The following RAD51B variants were observed in gnomAD, a reference collection of about 807,000 sequenced individuals.
RAD51B encodes DNA repair protein RAD51 homolog 2.
A neutral mutation model predicts 42.2 loss-of-function variants in RAD51B; 38 were observed. That is an observed-to-expected ratio of 0.90 (90% CI 0.70 to 1.18). The LOEUF is 1.18. RAD51B is among the 50% of genes most tolerant of loss of function. The pLI is 0.00. For missense variants in RAD51B, 373 were observed against 400.7 expected (o/e 0.93, Z 0.59); for synonymous variants, 154 against 145.2 (o/e 1.06, Z -0.43).
At position 68,563,378 on chromosome 14, in the gene RAD51B, G is replaced by A. The variant is rs934360222; in HGVS notation, c.1037-31107G>A. On this transcript the variant is annotated intron_variant, in intron 10 of 10. Coordinates refer to the RAD51B transcript ENST00000487270. Reference sequence around the variant, plus strand: ...CCTTCCCAGTGATACTGCGAGCTGGGTTTTTCTTTCTTCCCGCCCCCCAAG... The same window carrying A: ...CCTTCCCAGTGATACTGCGAGCTGGATTTTTCTTTCTTCCCGCCCCCCAAG... 1.2e-5 allele frequency: 12 copies of A among 985,226 alleles called. No homozygotes were observed. In the African/African-American group the frequency reaches 1.9e-4, roughly 16 times the overall value. 61.0% of individuals were successfully genotyped at this position (985,226 alleles called of 1,614,324 possible).
intron 7 of RAD51B, among the ~76,000 whole-genome samples, chr14:68,119,475 C>G (rs1391818148): frequency 8.4e-6 from 1 of 118,428 alleles, no homozygotes; most frequent in Admixed American, 9.2e-5. Context: ...CCCCTCCCCC[C>G]ACCCCACAAC....
intron 10 of RAD51B, among the ~76,000 whole-genome samples, chr14:68,564,202 A>G (rs1428311958): frequency 6.6e-6 from 1 of 152,212 alleles, no homozygotes; most frequent in Non-Finnish European, 1.5e-5. Context: ...AGGGCCTACC[A>G]AGAATGGTTG....
chr14:68,625,424 T>C (rs1291289142), intron 10 of RAD51B, among the ~76,000 whole-genome samples: 4 of 152,152 alleles, frequency 2.6e-5, no homozygotes, highest in African/African-American at 9.7e-5. Flanking sequence ...GCTTTTCTCC[T>C]CCCTCTCTCC....
chr14:68,465,992 A>AAATTAATT (rs1555414348), intron 9 of RAD51B, among the ~76,000 whole-genome samples: 5 of 149,536 alleles, frequency 3.3e-5, no homozygotes, highest in African/African-American at 1.0e-4. Context: ...ATAAATAAAT[A>AAATTAATT]AATTCACATT....
In RAD51B at chr14:68,204,128, T is replaced by A. The variant is rs2079541692; in HGVS notation, c.757-87756T>A. ...ACTGTTTGGCACAAGAGGCCTAGCT[T>A]CCTGCCTGATTCAGCTTTTGACTTT... On this transcript the variant is annotated intron_variant, in intron 7 of 10. Coordinates refer to ENST00000471583, the MANE Select transcript of RAD51B (RefSeq NM_133510.4). Among the ~76,000 whole-genome samples, 5 of 152,376 alleles carry A rather than the reference T, an allele frequency of 3.3e-5. No homozygotes were observed. The South Asian group carries it at 1.0e-3, about 32-fold the overall frequency.
At chr14:68,312,078 G>A (rs1211974134) in intron 8 of RAD51B, among the ~76,000 whole-genome samples, 5 of 152,100 alleles carry the variant, frequency 3.3e-5, no homozygotes, top group African/African-American at 9.7e-5. Flanking sequence ...GCCCAAGTCC[G>A]TATAGGACAG....
At chr14:68,390,602 T>C (rs1049751025) in intron 8 of RAD51B, among the ~76,000 whole-genome samples, 3 of 152,190 alleles carry the variant, frequency 2.0e-5, no homozygotes, top group African/African-American at 7.2e-5. Flanking sequence ...TGAATGAAAC[T>C]GAAAGGTAGA....
At chr14:68,350,261 T>C (rs1372084063) in intron 8 of RAD51B, among the ~76,000 whole-genome samples, 1 of 152,256 alleles carries the variant, frequency 6.6e-6, no homozygotes, top group Non-Finnish European at 1.5e-5. Flanking sequence ...CTGCAGATTA[T>C]AGAATCTGTC....
At chr14:68,231,262 TTCTC>T (rs2080144014) in intron 7 of RAD51B, among the ~76,000 whole-genome samples, 1 of 152,210 alleles carries the variant, frequency 6.6e-6, no homozygotes, top group Admixed American at 6.5e-5. Flanking sequence ...CACCTTTTTC[TTCTC>T]TCTTTGCCTC....
intron 7 of RAD51B, among the ~76,000 whole-genome samples, chr14:68,072,615 T>C (rs1435980074): frequency 6.6e-6 from 1 of 152,170 alleles, no homozygotes; most frequent in Non-Finnish European, 1.5e-5. Flanking sequence ...ACATCCAGGA[T>C]CAATATTGCA....
At chr14:68,614,844 C>G (rs1280823007), downstream of RAD51B, among the ~76,000 whole-genome samples, 1 of 152,170 alleles carries the variant, frequency 6.6e-6, no homozygotes, top group Non-Finnish European at 1.5e-5. Context: ...TGTGTGTGGA[C>G]ATGGATTTTC....
chr14:68,126,145 T>TA (rs1354471542), intron 7 of RAD51B, among the ~76,000 whole-genome samples: 2 of 152,232 alleles, frequency 1.3e-5, no homozygotes, highest in Admixed American at 6.5e-5. Flanking sequence ...ATCTTTGTTT[T>TA]ATAGCTATAC....
intron 7 of RAD51B, among the ~76,000 whole-genome samples, chr14:68,056,598 A>AATT (rs1457590762): frequency 2.0e-5 from 3 of 151,798 alleles, no homozygotes; most frequent in African/African-American, 7.3e-5. Context: ...AAATACAAAA[A>AATT]ATTAGCCAGG....
intron 10 of RAD51B, chr14:68,563,044 C>G (rs948455498): frequency 1.0e-6 from 1 of 985,346 alleles, no homozygotes; most frequent in East Asian, 1.1e-4. Context: ...TCACCCTGGC[C>G]GCTTCTCTAG....
chr14:67,928,609 A>G (rs931153818), intron 7 of RAD51B, among the ~76,000 whole-genome samples: 5 of 152,046 alleles, frequency 3.3e-5, no homozygotes, highest in Non-Finnish European at 7.4e-5. Context: ...GGAGGCGGCC[A>G]TGACACTTGG....
At chr14:68,437,567 T>C (rs2140150521) in intron 9 of RAD51B, among the ~76,000 whole-genome samples, 1 of 152,322 alleles carries the variant, frequency 6.6e-6, no homozygotes, top group Non-Finnish European at 1.5e-5. Context: ...GTGTTCTTTA[T>C]GTTGAACACC....
At position 68,160,947 on chromosome 14, in the gene RAD51B, T is replaced by A. The variant is rs116164652; in HGVS notation, c.757-130937T>A. 4.4e-3 allele frequency among the ~76,000 whole-genome samples: 670 copies of A among 152,346 alleles called. 1 individual carries two copies. The highest frequency in any genetic ancestry group is 0.017 in the Middle Eastern group (5 of 294). ...TGAATTGAAACTCTCTTGGAATGTC[T>A]AGCAGTTTATTGAAAAGAGCTCAAA... On this transcript the variant is annotated intron_variant, in intron 7 of 10. Coordinates refer to ENST00000471583, the MANE Select transcript of RAD51B (RefSeq NM_133510.4).
chr14:68,074,220 G>GT (rs941868013), intron 7 of RAD51B, among the ~76,000 whole-genome samples: 30 of 152,182 alleles, frequency 2.0e-4, no homozygotes, highest in African/African-American at 6.7e-4. Context: ...ACTTTGTTCA[G>GT]TTTTTTAAAA....
intron 11 of RAD51B, among the ~76,000 whole-genome samples, chr14:68,678,870 C>T (rs541158455): frequency 2.0e-5 from 3 of 152,158 alleles, no homozygotes; most frequent in Admixed American, 6.5e-5. Flanking sequence ...TGAAGGAGCC[C>T]TTTACGAAAT....
Sources: gnomAD v4.1 joint callset for allele counts (sites outside exome capture counted in the v4.1 genomes callset) on GRCh38, gnomAD v4.1.1 for gene constraint, MANE v1.5 for transcripts, NCBI Gene and HGNC (gene_info 2026-07-23, HGNC 2026-07-21) for gene names.